OLFM3: variants seen among roughly 807,000 people sequenced by gnomAD.
OLFM3 encodes the protein noelin-3.
In OLFM3, 20 loss-of-function variants were observed where a neutral mutation model predicts 48.6. The ratio of observed to expected loss-of-function variants is 0.41; its 90% CI spans 0.29 to 0.60. OLFM3 has a LOEUF of 0.60. OLFM3 is among the 20% of genes least tolerant of loss of function. The pLI, the probability that OLFM3 is intolerant of heterozygous loss-of-function variation, is 0.28. For synonymous variants in OLFM3, 222 were observed against 198.1 expected (o/e 1.12, Z -1.01); for missense variants, 437 against 544.3 (o/e 0.80, Z 1.96).
intron 4 of OLFM3, among the ~76,000 whole-genome samples, chr1:101,810,345 G>C (rs1410145082): frequency 6.6e-6 from 1 of 151,900 alleles, no homozygotes; most frequent in Non-Finnish European, 1.5e-5. Context: ...AAGAAAAAAA[G>C]CATGTTAATA....
At chr1:101,887,108 A>G (rs1657793660) in intron 1 of OLFM3, among the ~76,000 whole-genome samples, 1 of 151,972 alleles carries the variant, frequency 6.6e-6, no homozygotes, top group Non-Finnish European at 1.5e-5. Flanking sequence ...ATAAATTATA[A>G]TGCATAAAAT....
At chr1:101,981,855 A>G (rs1661114236) in intron 1 of OLFM3, among the ~76,000 whole-genome samples, 2 of 152,230 alleles carry the variant, frequency 1.3e-5, no homozygotes, top group African/African-American at 2.4e-5. Flanking sequence ...TATTTTATTT[A>G]TAGAATGAGT....
At chr1:101,982,751 C>T (rs999667735) in intron 1 of OLFM3, among the ~76,000 whole-genome samples, 22 of 152,178 alleles carry the variant, frequency 1.4e-4, no homozygotes, top group African/African-American at 5.1e-4. Flanking sequence ...GGAACATTGG[C>T]TCTTCCTGGT....
At chr1:101,863,899 C>T (rs558128958) in intron 1 of OLFM3, among the ~76,000 whole-genome samples, 2 of 152,246 alleles carry the variant, frequency 1.3e-5, no homozygotes, top group East Asian at 3.9e-4. Flanking sequence ...TCTTAAATCT[C>T]ATTAAAGATT....
intron 1 of OLFM3, among the ~76,000 whole-genome samples, chr1:101,904,833 C>G (rs1348842413): frequency 6.6e-6 from 1 of 152,098 alleles, no homozygotes; most frequent in East Asian, 1.9e-4. Context: ...CTCCTCCCAC[C>G]TGTTTACCTC....
intron 1 of OLFM3, among the ~76,000 whole-genome samples, chr1:101,959,288 GA>G (rs1351786865): frequency 6.6e-6 from 1 of 151,356 alleles, no homozygotes; most frequent in East Asian, 1.9e-4. Flanking sequence ...CTAGACTTTG[GA>G]AAAATACATA....
chr1:101,814,410 C>A (rs1278969168), intron 4 of OLFM3, among the ~76,000 whole-genome samples: 1 of 151,986 alleles, frequency 6.6e-6, no homozygotes, highest in Non-Finnish European at 1.5e-5. Context: ...AACAAACAAA[C>A]TAAACATATC....
In OLFM3 at chr1:101,825,298, C is replaced by T. The variant is rs1008419651; in HGVS notation, c.373-53G>A. On this transcript the variant is annotated intron_variant, in intron 3 of 5. Coordinates refer to ENST00000370103, the MANE Select transcript of OLFM3 (RefSeq NM_058170.4). Reference sequence around the variant, plus strand: ...GAGTCATTTAAAACAGATCATGCTGCTCTGTTCTTTTTATTATGATACTTA... The same window carrying T: ...GAGTCATTTAAAACAGATCATGCTGTTCTGTTCTTTTTATTATGATACTTA... 4.2e-5 allele frequency: 56 copies of T among 1,331,636 alleles called. No individual in the cohort carries two copies. In the East Asian group the frequency reaches 1.2e-3, roughly 29 times the overall value. 82.5% of individuals were successfully genotyped at this position (1,331,636 alleles called of 1,614,324 possible). A position where few individuals can be genotyped will look rare whatever the true frequency, so the allele number is the denominator to read the frequency against.
chr1:101,841,081 C>T (rs929694898), intron 1 of OLFM3, among the ~76,000 whole-genome samples: 2 of 152,120 alleles, frequency 1.3e-5, no homozygotes, highest in Admixed American at 6.5e-5. Flanking sequence ...AACTTAATTA[C>T]AAAGCTGTGC....
intron 1 of OLFM3, among the ~76,000 whole-genome samples, chr1:101,877,151 T>C (rs376872080): frequency 7.7e-6 from 1 of 130,186 alleles, no homozygotes; most frequent in Non-Finnish European, 1.7e-5. Context: ...TATCTGACTA[T>C]AAATGATACA....
intron 1 of OLFM3, among the ~76,000 whole-genome samples, chr1:101,995,179 A>C (rs1019575390): frequency 1.3e-5 from 2 of 152,110 alleles, no homozygotes; most frequent in Admixed American, 1.3e-4. Context: ...ACTTTAAGTC[A>C]AGTGACTTTT....
intron 1 of OLFM3, among the ~76,000 whole-genome samples, chr1:101,880,561 T>C (rs1180349265): frequency 1.3e-5 from 2 of 151,824 alleles, no homozygotes; most frequent in Non-Finnish European, 2.9e-5. Context: ...GGTTGGGGCA[T>C]TTTTAAGATG....
intron 1 of OLFM3, among the ~76,000 whole-genome samples, chr1:101,934,127 G>C (rs1029464563): frequency 2.0e-5 from 3 of 151,930 alleles, no homozygotes; most frequent in African/African-American, 7.2e-5. Flanking sequence ...TATTAACCTT[G>C]AATGCAAACA....
intron 4 of OLFM3, among the ~76,000 whole-genome samples, chr1:101,807,578 T>C (rs1219300735): frequency 6.6e-6 from 1 of 151,830 alleles, no homozygotes; most frequent in African/African-American, 2.4e-5. Flanking sequence ...TAAGAATAAT[T>C]TATAATTGGC....
At chr1:101,903,824 A>T (rs1184809409) in intron 1 of OLFM3, among the ~76,000 whole-genome samples, 1 of 152,006 alleles carries the variant, frequency 6.6e-6, no homozygotes, top group African/African-American at 2.4e-5. Context: ...AGAAACAAAG[A>T]TTTTTTTACC....
chr1:101,835,585 G>A (rs1438422017), intron 2 of OLFM3, among the ~76,000 whole-genome samples: 1 of 152,226 alleles, frequency 6.6e-6, no homozygotes, highest in Non-Finnish European at 1.5e-5. Context: ...AAAGTGTTGG[G>A]ATTACAGGCG....
intron 1 of OLFM3, among the ~76,000 whole-genome samples, chr1:101,916,889 A>G (rs535297658): frequency 2.0e-4 from 31 of 152,318 alleles, no homozygotes; most frequent in African/African-American, 7.5e-4. Context: ...TACAATACTG[A>G]GAGCATCAGA....
chr1:101,851,099 C>G lies in OLFM3; in HGVS notation c.70-14074G>C, dbSNP rs79582060. 7.8e-3 allele frequency among the ~76,000 whole-genome samples: 1,194 copies of G among 152,218 alleles called. 17 individuals are homozygous for G. Among genetic ancestry groups the G allele is most frequent in the African/African-American group, 0.028 (1,151 of 41,536 alleles). ...ATAGAAGAAGGTGGAAGACAGAGTA[C>G]TTGTGTTGAAATCACTTGGGGAATG... On this transcript the variant is annotated intron_variant, in intron 1 of 5. Coordinates refer to ENST00000370103, the MANE Select transcript of OLFM3 (RefSeq NM_058170.4).
At chr1:101,875,502 T>C (rs1351297818) in intron 1 of OLFM3, among the ~76,000 whole-genome samples, 1 of 152,012 alleles carries the variant, frequency 6.6e-6, no homozygotes, top group Non-Finnish European at 1.5e-5. Flanking sequence ...ATAGGAACAC[T>C]ACTTTCCGCT....
Sources: allele counts gnomAD v4.1 joint callset (sites outside exome capture counted in the v4.1 genomes callset), GRCh38; gene constraint gnomAD v4.1.1; transcripts MANE v1.5; gene names NCBI Gene and HGNC (gene_info 2026-07-23, HGNC 2026-07-21).